The following THSD7A variants were observed in gnomAD, a reference collection of about 807,000 sequenced individuals.
The protein encoded by THSD7A is thrombospondin type-1 domain-containing protein 7A.
THSD7A carries 96 observed loss-of-function variants against 231.3 expected under a neutral mutation model. That is an observed-to-expected ratio of 0.41 (90% CI 0.35 to 0.49). The LOEUF (loss-of-function observed/expected upper bound fraction) is 0.49, where lower values mean the gene tolerates loss of function less well. THSD7A is among the 20% of genes least tolerant of loss of function. THSD7A has a pLI of 0.05. For synonymous variants in THSD7A, 940 were observed against 743.3 expected, an observed-to-expected ratio of 1.26 and a Z score of -4.30; for missense variants, 2,290 against 2,070.2, an observed-to-expected ratio of 1.11 and a Z score of -2.06.
At chr7:11,415,799 A>C (rs1412050582) in intron 17 of THSD7A, among the ~76,000 whole-genome samples, 1 of 152,134 alleles carries the variant, frequency 6.6e-6, no homozygotes, top group Admixed American at 6.5e-5. Flanking sequence ...GGCTTATTAA[A>C]CTTCGATTGA....
chr7:11,641,381 T>C (rs1305680690), intron 1 of THSD7A, among the ~76,000 whole-genome samples: 1 of 152,146 alleles, frequency 6.6e-6, no homozygotes, highest in Non-Finnish European at 1.5e-5. Flanking sequence ...CCAGGCATTA[T>C]ATTTTTGATG....
At chr7:11,620,022 A>T (rs1161374088) in intron 2 of THSD7A, among the ~76,000 whole-genome samples, 4 of 152,188 alleles carry the variant, frequency 2.6e-5, no homozygotes, top group African/African-American at 7.2e-5. Flanking sequence ...AGATAAAAAG[A>T]ATAAGTTGGC....
At chr7:11,387,922 G>T (rs1296883808) in intron 23 of THSD7A, among the ~76,000 whole-genome samples, 2 of 152,074 alleles carry the variant, frequency 1.3e-5, no homozygotes, top group Non-Finnish European at 2.9e-5. Context: ...GCATGAATGG[G>T]TGTTGAATTT....
intron 11 of THSD7A, among the ~76,000 whole-genome samples, chr7:11,451,458 G>A (rs1785140988): frequency 6.6e-6 from 1 of 151,886 alleles, no homozygotes; most frequent in Non-Finnish European, 1.5e-5. Context: ...GTGGACAGAC[G>A]ACCAAGAATA....
At chr7:11,689,047 G>C (rs567251849) in intron 1 of THSD7A, among the ~76,000 whole-genome samples, 4 of 151,736 alleles carry the variant, frequency 2.6e-5, no homozygotes, top group African/African-American at 9.7e-5. Context: ...CCTTTGTTTA[G>C]GATTAAAATA....
At chr7:11,585,504 A>G (rs1791362774) in intron 4 of THSD7A, among the ~76,000 whole-genome samples, 1 of 152,150 alleles carries the variant, frequency 6.6e-6, no homozygotes, top group South Asian at 2.1e-4. Context: ...TGATATAAAC[A>G]AGAGAGTTAA....
intron 1 of THSD7A, among the ~76,000 whole-genome samples, chr7:11,678,653 G>T (rs1466292682): frequency 6.6e-6 from 1 of 152,094 alleles, no homozygotes; most frequent in East Asian, 1.9e-4. Flanking sequence ...CCAGGAAGAA[G>T]TTGAATCCTT....
At chr7:11,468,864 T>C (rs1408570834) in intron 9 of THSD7A, among the ~76,000 whole-genome samples, 1 of 151,912 alleles carries the variant, frequency 6.6e-6, no homozygotes, top group African/African-American at 2.4e-5. Flanking sequence ...AGAATAATAA[T>C]AATTTTCTAT....
chr7:11,783,182 A>G (rs1000157545), intron 1 of THSD7A, among the ~76,000 whole-genome samples: 1 of 152,130 alleles, frequency 6.6e-6, no homozygotes, highest in Admixed American at 6.6e-5. Flanking sequence ...GACCCATCTT[A>G]AGTTACAAAT....
At chr7:11,597,920 C>T (rs770435629) in intron 2 of THSD7A, among the ~76,000 whole-genome samples, 1 of 152,134 alleles carries the variant, frequency 6.6e-6, no homozygotes, top group African/African-American at 2.4e-5. Flanking sequence ...CAGCCTGTAC[C>T]GATGGCCTCA....
chr7:11,494,782 G>A (rs1378340748), intron 6 of THSD7A, among the ~76,000 whole-genome samples: 2 of 151,904 alleles, frequency 1.3e-5, no homozygotes, highest in African/African-American at 2.4e-5. Flanking sequence ...TTCCAGGCAC[G>A]AGCATTCTTA....
chr7:11,513,212 A>T (rs1466339474), intron 6 of THSD7A, among the ~76,000 whole-genome samples: 1 of 151,766 alleles, frequency 6.6e-6, no homozygotes, highest in Non-Finnish European at 1.5e-5. Context: ...TGCAGCATAT[A>T]CTGCTCGGGT....
chr7:11,817,310 G>T (rs1181608491), intron 1 of THSD7A, among the ~76,000 whole-genome samples: 1 of 152,118 alleles, frequency 6.6e-6, no homozygotes, highest in Non-Finnish European at 1.5e-5. Flanking sequence ...AGGAACTTTG[G>T]AACCCACAGT....
At chr7:11,580,626 A>C (rs990634702) in intron 4 of THSD7A, among the ~76,000 whole-genome samples, 1 of 152,156 alleles carries the variant, frequency 6.6e-6, no homozygotes, top group Non-Finnish European at 1.5e-5. Flanking sequence ...GCAAACTAAG[A>C]CAGGAACAGA....
rs56353626 is a variant in THSD7A, at chr7:11,484,874, A to ATTTTTTTTTTTTT, written c.1823-2905_1823-2893dup. On this transcript the variant is annotated intron_variant, in intron 6 of 27. Transcript: ENST00000423059. ...CTCAACCCACTGAATCACAACCTTA[A>ATTTTTTTTTTTTT]TTTTTTTTTTTTTTTTTTTTTTTTT... 4.0e-3 allele frequency among the ~76,000 whole-genome samples: 215 copies of ATTTTTTTTTTTTT among 53,816 alleles called. 31 individuals are homozygous for ATTTTTTTTTTTTT. Among genetic ancestry groups the ATTTTTTTTTTTTT allele is most frequent in the Middle Eastern group, 0.028 (1 of 36 alleles). The allele number at this position is 53,816 out of a possible 152,430, so 35.3% of individuals were successfully genotyped here.
At chr7:11,767,390 C>T (rs1460894085) in intron 1 of THSD7A, among the ~76,000 whole-genome samples, 1 of 152,124 alleles carries the variant, frequency 6.6e-6, no homozygotes, top group African/African-American at 2.4e-5. Flanking sequence ...AGCTTTTTTA[C>T]TGTTTCTCAA....
intron 3 of THSD7A, among the ~76,000 whole-genome samples, chr7:11,592,284 G>A (rs1035711621): frequency 1.3e-5 from 2 of 152,076 alleles, no homozygotes; most frequent in African/African-American, 4.8e-5. Flanking sequence ...TGTTGTTATA[G>A]GAATAGTAGT....
rs551165495 is a variant in THSD7A, at chr7:11,480,535, T to C, written c.2017+1253A>G. On this transcript the variant is annotated intron_variant, in intron 7 of 27. Transcript: ENST00000423059. ...TTTGACAACACAAGAAATATAATTT[T>C]CTTTGTAAAAGGTTGTATTTTTCAA... 2.6e-5 allele frequency among the ~76,000 whole-genome samples: 4 copies of C among 152,314 alleles called. No homozygotes were observed. The East Asian group carries it at 7.7e-4, about 29-fold the overall frequency.
intron 14 of THSD7A, among the ~76,000 whole-genome samples, chr7:11,427,075 A>C (rs1403966893): frequency 6.6e-6 from 1 of 152,176 alleles, no homozygotes; most frequent in Non-Finnish European, 1.5e-5. Context: ...GATTTACCTT[A>C]ATCAGTTCAT....
Sources: allele counts gnomAD v4.1 joint callset (sites outside exome capture counted in the v4.1 genomes callset), GRCh38; gene constraint gnomAD v4.1.1; transcripts MANE v1.5; gene names NCBI Gene and HGNC (gene_info 2026-07-23, HGNC 2026-07-21).